The following TENM3 variants were observed in gnomAD, a reference collection of about 807,000 sequenced individuals.
TENM3 encodes the protein teneurin-3.
In TENM3, 63 loss-of-function variants were observed where a neutral mutation model predicts 255.1. The ratio of observed to expected loss-of-function variants is 0.25; its 90% confidence interval spans 0.20 to 0.30. TENM3 has a LOEUF of 0.30. TENM3 is among the 10% of genes least tolerant of loss of function. The pLI is 1.00. For missense variants in TENM3, 2,929 were observed against 3,461.1 expected (o/e 0.85, Z 3.86); for synonymous variants, 1,306 against 1,322.3 (o/e 0.99, Z 0.27).
the TENM3 span, among the ~76,000 whole-genome samples, chr4:182,018,300 A>G: frequency 1.3e-5 from 2 of 152,180 alleles, no homozygotes; most frequent in African/African-American, 4.8e-5. Context: ...CCAATGCTGC[A>G]GTCTCACAAG....
At chr4:182,576,480 A>G (rs1394516636) in intron 3 of TENM3, among the ~76,000 whole-genome samples, 2 of 152,204 alleles carry the variant, frequency 1.3e-5, no homozygotes, top group Non-Finnish European at 2.9e-5. Context: ...TAAAATGATG[A>G]GAGTGGTTAG....
chr4:182,388,542 A>G (rs1010254291), intron 3 of TENM3, among the ~76,000 whole-genome samples: 2 of 152,186 alleles, frequency 1.3e-5, no homozygotes, highest in Admixed American at 1.3e-4. Flanking sequence ...AGTACTTTGC[A>G]GGAGGCTATG....
chr4:182,486,490 A>G (rs1332334495), intron 3 of TENM3, among the ~76,000 whole-genome samples: 2 of 152,190 alleles, frequency 1.3e-5, no homozygotes, highest in Admixed American at 1.3e-4. Flanking sequence ...TATAGCTGCC[A>G]ATCACTGACA....
intron 3 of TENM3, among the ~76,000 whole-genome samples, chr4:182,500,663 G>T (rs6836360): frequency 0.27 from 41,112 of 151,940 alleles, 6,881 homozygotes; most frequent in South Asian, 0.37. Flanking sequence ...CAAACATATT[G>T]TAAGAGAGAC....
chr4:181,647,646 G>C, the TENM3 span, among the ~76,000 whole-genome samples: 61 of 152,256 alleles, frequency 4.0e-4, no homozygotes, highest in Non-Finnish European at 8.4e-4. Context: ...AGCTGTGAAG[G>C]GGGAGTCACT....
chr4:182,516,076 A>C lies in TENM3; in HGVS notation c.512-84848A>C, dbSNP rs958321214. Among the ~76,000 whole-genome samples the C allele has an allele frequency of 2.6e-5, 4 of 152,350 alleles. No homozygotes were observed. The East Asian group carries it at 7.7e-4, about 29-fold the overall frequency. On this transcript the variant is annotated intron_variant, in intron 3 of 27. Coordinates refer to ENST00000511685, the MANE Select transcript of TENM3 (RefSeq NM_001080477.4). ...ATTTTATCACAAATTTAACCATGCC[A>C]TTGGTCAGCTGTGACCCTAGGCAGA...
intron 3 of TENM3, among the ~76,000 whole-genome samples, chr4:182,440,039 T>C (rs1203096639): frequency 6.6e-6 from 1 of 152,078 alleles, no homozygotes; most frequent in Non-Finnish European, 1.5e-5. Flanking sequence ...AGTATCACTG[T>C]TAGGGAACCA....
At chr4:182,153,037 T>C (rs866847510) in intron 1 of TENM3, among the ~76,000 whole-genome samples, 8 of 152,006 alleles carry the variant, frequency 5.3e-5, no homozygotes, top group African/African-American at 1.9e-4. Context: ...TTATCTACAC[T>C]TGGGCTTTTA....
chr4:181,889,782 C>T, the TENM3 span, among the ~76,000 whole-genome samples: 162 of 152,240 alleles, frequency 1.1e-3, no homozygotes, highest in Non-Finnish European at 1.4e-3. Context: ...CTACTGCTGA[C>T]GGAATCTATG....
At chr4:182,490,422 CCT>C (rs767242896) in intron 3 of TENM3, among the ~76,000 whole-genome samples, 1 of 152,040 alleles carries the variant, frequency 6.6e-6, no homozygotes, top group East Asian at 1.9e-4. Context: ...AAAATTCTGC[CCT>C]TTTTTGCCTT....
intron 3 of TENM3, among the ~76,000 whole-genome samples, chr4:182,529,460 G>C (rs1739555290): frequency 6.6e-6 from 1 of 152,106 alleles, no homozygotes; most frequent in South Asian, 2.1e-4. Flanking sequence ...TTTTCTCTCT[G>C]CTTTGCCCCC....
chr4:181,579,964 ATTTTAT>A, the TENM3 span, among the ~76,000 whole-genome samples: 5 of 124,000 alleles, frequency 4.0e-5, no homozygotes, highest in East Asian at 1.1e-3. Context: ...ATTTTATTTT[ATTTTAT>A]TTTATTTTAT....
At chr4:181,623,664 A>G in the TENM3 span, among the ~76,000 whole-genome samples, 1 of 152,206 alleles carries the variant, frequency 6.6e-6, no homozygotes, top group African/African-American at 2.4e-5. Context: ...AGCTGCCGCT[A>G]AAATTATTCA....
At chr4:182,112,559 G>A in the TENM3 span, among the ~76,000 whole-genome samples, 4 of 152,216 alleles carry the variant, frequency 2.6e-5, no homozygotes, top group East Asian at 1.9e-4. Context: ...GTGTTAAATC[G>A]TAGTGTAATT....
rs2150133221 is a variant in TENM3, at chr4:182,255,032, C to G, written c.-76+11556C>G. Among the ~76,000 whole-genome samples the G allele has an allele frequency of 1.3e-5, 2 of 152,292 alleles. 1 individual carries two copies. The highest frequency in any genetic ancestry group is 4.1e-4 in the South Asian group (2 of 4,824). ...CAATCAGTACTCATTTAACGAAAGACTGGTACTTTCGGAAAATATCTTAAA... is the reference window on the plus strand; with the variant it reads ...CAATCAGTACTCATTTAACGAAAGAGTGGTACTTTCGGAAAATATCTTAAA... On this transcript the variant is annotated intron_variant, in intron 1 of 27. Transcript: ENST00000511685.
chr4:181,879,278 G>A, the TENM3 span, among the ~76,000 whole-genome samples: 5 of 152,076 alleles, frequency 3.3e-5, no homozygotes, highest in African/African-American at 7.2e-5. Context: ...AAGAAAGAAA[G>A]TTGGGGGAGG....
chr4:182,514,276 A>T (rs1338356305), intron 3 of TENM3, among the ~76,000 whole-genome samples: 2 of 152,216 alleles, frequency 1.3e-5, no homozygotes, highest in African/African-American at 2.4e-5. Context: ...TGAGAATTAC[A>T]GGTTTTTGAT....
the TENM3 span, among the ~76,000 whole-genome samples, chr4:181,913,158 C>A: frequency 3.2e-3 from 485 of 151,966 alleles, 1 homozygote; most frequent in Non-Finnish European, 5.0e-3. Flanking sequence ...GGAACCAATG[C>A]GGGAATGAAA....
chr4:181,494,483 A>T, the TENM3 span, among the ~76,000 whole-genome samples: 2 of 152,058 alleles, frequency 1.3e-5, no homozygotes, highest in African/African-American at 4.8e-5. Flanking sequence ...ATGGGGTTTC[A>T]CTATGTTGGC....
Sources: allele counts gnomAD v4.1 joint callset (sites outside exome capture counted in the v4.1 genomes callset), GRCh38; gene constraint gnomAD v4.1.1; transcripts MANE v1.5; gene names NCBI Gene and HGNC (gene_info 2026-07-23, HGNC 2026-07-21).